Variants in RABGAP1L observed in about 807,000 individuals in gnomAD.
RABGAP1L encodes the protein rab GTPase-activating protein 1-like.
In RABGAP1L, 63 loss-of-function variants were observed where a neutral mutation model predicts 137.7. That is an observed-to-expected ratio of 0.46 (90% confidence interval 0.37 to 0.56). RABGAP1L has a LOEUF of 0.56. Ranked by LOEUF, RABGAP1L falls within the 20% of genes least tolerant of loss-of-function variation. RABGAP1L has a pLI of 0.00. For missense variants in RABGAP1L, 1,095 were observed against 1,244.0 expected (o/e 0.88, Z 1.80); for synonymous variants, 431 against 433.7 (o/e 0.99, Z 0.08).
At chr1:174,978,726 T>C in intron 22 of RABGAP1L, 81 bp from the exon 23 acceptor site, 1 of 1,391,590 alleles carries the variant, frequency 7.2e-7, no homozygotes, top group Non-Finnish European at 9.4e-7. Context: ...TGACTATGAA[T>C]CAGACAGACT....
At chr1:174,241,274 G>A (rs1430908680) in intron 4 of RABGAP1L, among the ~76,000 whole-genome samples, 2 of 151,982 alleles carry the variant, frequency 1.3e-5, no homozygotes, top group Non-Finnish European at 2.9e-5. Flanking sequence ...GAGCCAAGAT[G>A]GGGCCACTTC....
intron 18 of RABGAP1L, among the ~76,000 whole-genome samples, chr1:174,808,762 T>C (rs1369609919): frequency 6.6e-6 from 1 of 151,736 alleles, no homozygotes; most frequent in Non-Finnish European, 1.5e-5. Context: ...CAAGCGATTC[T>C]CCTGCCTCAG....
At chr1:174,701,171 C>T (rs1177832440) in intron 16 of RABGAP1L, 3 of 1,298,164 alleles carry the variant, frequency 2.3e-6, no homozygotes, top group Non-Finnish European at 3.0e-6. Flanking sequence ...ATACTTTGTA[C>T]CTTGCTGTTC....
intron 4 of RABGAP1L, among the ~76,000 whole-genome samples, chr1:174,241,246 G>A (rs1671799487): frequency 6.6e-6 from 1 of 152,064 alleles, no homozygotes; most frequent in Non-Finnish European, 1.5e-5. Context: ...CTTGAACTCG[G>A]GAGGTGGAGG....
intron 13 of RABGAP1L, among the ~76,000 whole-genome samples, chr1:174,507,206 C>T (rs754299669): frequency 2.6e-5 from 4 of 152,130 alleles, no homozygotes; most frequent in Non-Finnish European, 4.4e-5. Context: ...CAGAATACTG[C>T]TGCTTTTCAT....
intron 14 of RABGAP1L, among the ~76,000 whole-genome samples, chr1:174,674,014 C>G (rs1223862863): frequency 1.3e-5 from 2 of 151,620 alleles, no homozygotes; most frequent in Admixed American, 6.6e-5. Flanking sequence ...AATTATACCT[C>G]CATAAACATG....
Position 174,231,216 on chromosome 1 carries a change from A to T in RABGAP1L, c.403A>T (p.Thr135Ser), listed in dbSNP as rs1220064454. The part of the protein sequence containing the change: ...EEDSVLFNKL[T>S]YLGCMKVSSP... ...AGATAGTGTTTTATTTAATAAACTG[A>T]CCTACTTAGGATGTATGAAGGTTTC... is the stretch of plus-strand genomic sequence containing the variant. Residue 135 changes from threonine (T) to serine (S), a missense_variant, in exon 4 of 26, where the codon ACC becomes TCC. This residue lies in a region of RABGAP1L where 356 missense variants were observed against 326.3 expected (regional missense o/e 1.09). Coordinates refer to ENST00000681986, the MANE Select transcript of RABGAP1L (RefSeq NM_001366446.1). 6.2e-7 allele frequency: 1 copy of T among 1,613,792 alleles called. No homozygotes were observed. The highest frequency in any genetic ancestry group is 1.3e-5 in the African/African-American group (1 of 74,908).
rs182640665 is a variant in RABGAP1L, at chr1:174,478,454, T to A, written c.1710+84309T>A. On this transcript the variant is annotated intron_variant, in intron 13 of 25. Transcript: ENST00000681986. ...CCTGGCTAATTAAAAAAAAAATTTT[T>A]TTTTAAGAGATGGTGTCTCACTGTG... 1.2e-3 allele frequency among the ~76,000 whole-genome samples: 177 copies of A among 152,120 alleles called. 1 individual carries two copies. The highest frequency in any genetic ancestry group is 4.2e-3 in the African/African-American group (173 of 41,498).
chr1:174,664,716 TTTC>T (rs1676624409), intron 14 of RABGAP1L, among the ~76,000 whole-genome samples: 1 of 147,940 alleles, frequency 6.8e-6, no homozygotes, highest in Admixed American at 6.7e-5. Flanking sequence ...TCTCTCTTTC[TTTC>T]TTTCTTTCTG....
intron 19 of RABGAP1L, among the ~76,000 whole-genome samples, chr1:174,919,240 A>G (rs1661418621): frequency 6.6e-6 from 1 of 151,674 alleles, no homozygotes; most frequent in Non-Finnish European, 1.5e-5. Context: ...CTGGTCTCGA[A>G]CTCCCGACCT....
At chr1:174,597,147 A>G (rs984579516) in intron 13 of RABGAP1L, among the ~76,000 whole-genome samples, 13 of 152,116 alleles carry the variant, frequency 8.5e-5, no homozygotes, top group South Asian at 4.2e-4. Context: ...TTTTGTATCA[A>G]TGTTCGTCAG....
chr1:174,203,327 A>G (rs1056889534), intron 1 of RABGAP1L, among the ~76,000 whole-genome samples: 14 of 152,112 alleles, frequency 9.2e-5, no homozygotes, highest in Admixed American at 7.9e-4. Flanking sequence ...TGTTCTGCAT[A>G]TGGCTAGCCA....
intron 5 of RABGAP1L, among the ~76,000 whole-genome samples, chr1:174,248,866 A>G (rs1558068999): frequency 6.6e-6 from 1 of 152,154 alleles, no homozygotes; most frequent in Non-Finnish European, 1.5e-5. Context: ...TGTTCACAGC[A>G]TTCTTCTTAT....
At chr1:174,598,153 ACC>A (rs1158485311) in intron 13 of RABGAP1L, among the ~76,000 whole-genome samples, 1 of 151,882 alleles carries the variant, frequency 6.6e-6, no homozygotes, top group Non-Finnish European at 1.5e-5. Flanking sequence ...ACATGGGAAA[ACC>A]CCATCTCTAC....
At chr1:174,444,777 A>C (rs1054253342) in intron 13 of RABGAP1L, among the ~76,000 whole-genome samples, 17 of 151,970 alleles carry the variant, frequency 1.1e-4, no homozygotes, top group African/African-American at 4.1e-4. Flanking sequence ...CTGTGGAGTC[A>C]ATTGTAATGT....
chr1:174,276,135 A>T (rs569935282), intron 9 of RABGAP1L, among the ~76,000 whole-genome samples, 200 bp downstream of exon 9: 2 of 152,062 alleles, frequency 1.3e-5, no homozygotes, highest in African/African-American at 4.8e-5. Context: ...AAGATATGTG[A>T]ATTATTATTA....
intron 3 of RABGAP1L, among the ~76,000 whole-genome samples, chr1:174,225,244 A>G (rs1390822474): frequency 6.6e-6 from 1 of 151,298 alleles, no homozygotes; most frequent in Non-Finnish European, 1.5e-5. Context: ...TTAAATTTAC[A>G]TTGTTTTTTA....
At chr1:174,305,167 G>T in intron 11 of RABGAP1L, 40 bp downstream of exon 11, 1 of 1,473,312 alleles carries the variant, frequency 6.8e-7, no homozygotes, top group Non-Finnish European at 8.9e-7. Flanking sequence ...TGTCTGTATA[G>T]CTGCTTTACT....
intron 13 of RABGAP1L, among the ~76,000 whole-genome samples, chr1:174,447,272 G>C (rs1654872027): frequency 6.6e-6 from 1 of 152,124 alleles, no homozygotes; most frequent in Non-Finnish European, 1.5e-5. Flanking sequence ...TTTGCCAGGT[G>C]TTAATTCATT....
Sources: gnomAD v4.1 joint callset for allele counts (sites outside exome capture counted in the v4.1 genomes callset) on GRCh38, gnomAD v4.1.1 for gene constraint, gnomAD v4.1.1 regional missense constraint, MANE v1.5 for transcripts, NCBI Gene and HGNC (gene_info 2026-07-23, HGNC 2026-07-21) for gene names.